EPS15: variants seen among roughly 807,000 people sequenced by gnomAD.
EPS15 encodes the protein epidermal growth factor receptor substrate 15.
In EPS15, 72 loss-of-function variants were observed where a neutral mutation model predicts 113.8. The observed-to-expected ratio is 0.63, with a 90% CI of 0.52 to 0.77. The LOEUF (loss-of-function observed/expected upper bound fraction) is 0.77. Among genes scored for constraint, EPS15 ranks in the 30% least tolerant of loss-of-function variants. The probability of loss-of-function intolerance (pLI) is 0.00; values close to 1 mark genes in which losing one functional copy is unlikely to be tolerated. For synonymous variants in EPS15, 344 were observed against 363.4 expected, an observed-to-expected ratio of 0.95 and a Z score of 0.61; for missense variants, 1,048 against 1,045.8, an observed-to-expected ratio of 1.00 and a Z score of -0.03.
chr1:51,519,169 C>T lies in EPS15; in HGVS notation c.33+30G>A, dbSNP rs1357915475. The T allele has an allele frequency of 3.5e-6, 5 of 1,432,566 alleles. No homozygotes were observed. The African/African-American group carries it at 5.9e-5, about 17-fold the overall frequency. 88.7% of individuals were successfully genotyped at this position (1,432,566 alleles called of 1,614,324 possible). A position where few individuals can be genotyped will look rare whatever the true frequency, so the allele number is the denominator to read the frequency against. On this transcript the variant is annotated intron_variant, in intron 1 of 24. Coordinates refer to ENST00000371733, the MANE Select transcript of EPS15 (RefSeq NM_001981.3). Reference sequence around the variant, plus strand: ...GGTGGGGGAGGGGGCACCGGCCGGCCAAGCCCGGCGGACGGGCGTGTGGCG... The same window carrying T: ...GGTGGGGGAGGGGGCACCGGCCGGCTAAGCCCGGCGGACGGGCGTGTGGCG...
intron 10 of EPS15, among the ~76,000 whole-genome samples, chr1:51,446,222 C>G (rs554842246): frequency 6.6e-6 from 1 of 152,144 alleles, no homozygotes; most frequent in African/African-American, 2.4e-5. Flanking sequence ...CTGTGAAATT[C>G]ATTAAAGACA....
intron 12 of EPS15, among the ~76,000 whole-genome samples, chr1:51,424,335 T>G (rs1651025976): frequency 2.6e-5 from 4 of 152,212 alleles, no homozygotes; most frequent in Admixed American, 2.6e-4. Context: ...ATAACTATTC[T>G]TCTCATTTCA....
At chr1:51,504,891 C>T (rs567615188) in intron 1 of EPS15, among the ~76,000 whole-genome samples, 168 of 152,214 alleles carry the variant, frequency 1.1e-3, no homozygotes, top group African/African-American at 3.9e-3. Context: ...GCGGCCGAAG[C>T]GGGTGGATCA....
intron 13 of EPS15, among the ~76,000 whole-genome samples, chr1:51,412,393 AG>A (rs1236959778): frequency 6.6e-6 from 1 of 152,202 alleles, no homozygotes; most frequent in Non-Finnish European, 1.5e-5. Flanking sequence ...AAAAAGAATT[AG>A]ATGTTCTCTT....
chr1:51,467,102 A>G (rs1446523089), intron 5 of EPS15, among the ~76,000 whole-genome samples: 1 of 152,244 alleles, frequency 6.6e-6, no homozygotes, highest in Non-Finnish European at 1.5e-5. Context: ...ACCTCACTCC[A>G]TAAAACCAAA....
chr1:51,387,363 T>A (rs528847507), intron 21 of EPS15, among the ~76,000 whole-genome samples: 1 of 151,486 alleles, frequency 6.6e-6, no homozygotes, highest in Non-Finnish European at 1.5e-5. Flanking sequence ...CACTGCAAAA[T>A]CATGCCAAAT....
At chr1:51,372,369 G>C (rs764297361) in intron 21 of EPS15, 167 of 536,680 alleles carry the variant, frequency 3.1e-4, no homozygotes, top group Non-Finnish European at 5.8e-4. Flanking sequence ...GCAGTGCATT[G>C]TTGGTGTGCT....
intron 20 of EPS15, 118 bp downstream of exon 20, chr1:51,398,914 T>C: frequency 4.6e-6 from 4 of 879,024 alleles, no homozygotes; most frequent in Non-Finnish European, 3.4e-6. Flanking sequence ...CTGAAATTCT[T>C]ATATGGTCCA....
intron 20 of EPS15, among the ~76,000 whole-genome samples, chr1:51,396,759 G>A (rs1647988782): frequency 6.6e-6 from 1 of 152,152 alleles, no homozygotes; most frequent in East Asian, 1.9e-4. Flanking sequence ...ATGTCAGTTT[G>A]ATAATTGGGG....
At chr1:51,408,440 T>A in intron 14 of EPS15, 108 bp from the exon 15 acceptor site, 1 of 768,444 alleles carries the variant, frequency 1.3e-6, no homozygotes, top group Non-Finnish European at 2.1e-6. Flanking sequence ...TTTTGGTGTT[T>A]TTTTTGACAG....
At chr1:51,430,949 A>T (rs988010654) in intron 12 of EPS15, among the ~76,000 whole-genome samples, 1 of 149,576 alleles carries the variant, frequency 6.7e-6, no homozygotes, top group African/African-American at 2.5e-5. Context: ...GCAGAGCCTG[A>T]CCCTATCTGA....
intron 16 of EPS15, among the ~76,000 whole-genome samples, chr1:51,403,950 T>C (rs1187334813): frequency 1.3e-5 from 2 of 152,202 alleles, no homozygotes; most frequent in Non-Finnish European, 2.9e-5. Context: ...GCCAAACTAA[T>C]AGCTCTAAAA....
intron 21 of EPS15, chr1:51,372,162 A>AT (rs903865201): frequency 3.9e-5 from 15 of 382,968 alleles, no homozygotes; most frequent in South Asian, 2.2e-4. Context: ...ATGCACACAC[A>AT]TTTTTTTCAT....
In EPS15 at chr1:51,403,645, T is replaced by G; in HGVS notation, c.1678-113A>C. 7.2e-6 allele frequency: 4 copies of G among 556,422 alleles called. No individual in the cohort carries two copies. The South Asian group carries it at 1.2e-4, about 16-fold the overall frequency. The allele number at this position is 556,422 out of a possible 1,614,324, so 34.5% of individuals were successfully genotyped here. Reference sequence around the variant, plus strand: ...AATAAAAAAAGACAAGCAGAATGTATTCATCAAATAACTTCTCCTTCTATA... The same window carrying G: ...AATAAAAAAAGACAAGCAGAATGTAGTCATCAAATAACTTCTCCTTCTATA... On this transcript the variant is annotated intron_variant, in intron 16 of 24. Coordinates refer to ENST00000371733, the MANE Select transcript of EPS15 (RefSeq NM_001981.3).
chr1:51,508,248 A>AAGAGAG (rs151142424), intron 1 of EPS15, among the ~76,000 whole-genome samples: 194 of 103,908 alleles, frequency 1.9e-3, no homozygotes, highest in Non-Finnish European at 2.8e-3. Flanking sequence ...GAAAGAGAGA[A>AAGAGAG]AGAGAGAGAG....
intron 1 of EPS15, among the ~76,000 whole-genome samples, chr1:51,514,584 C>T (rs2148570599): frequency 6.6e-6 from 1 of 152,256 alleles, no homozygotes; most frequent in East Asian, 1.9e-4. Context: ...TAAAATCACA[C>T]TATTAGAGAT....
chr1:51,434,515 G>A (rs1651982201), intron 12 of EPS15, among the ~76,000 whole-genome samples: 1 of 152,184 alleles, frequency 6.6e-6, no homozygotes. Context: ...GAGATAGAAA[G>A]TATAATAGAA....
intron 2 of EPS15, among the ~76,000 whole-genome samples, chr1:51,478,301 T>G (rs1440609334): frequency 1.3e-5 from 2 of 152,264 alleles, no homozygotes; most frequent in Non-Finnish European, 1.5e-5. Context: ...TGTTTTCCAT[T>G]TGCTTGGTAG....
chr1:51,428,304 T>C (rs150648105), intron 12 of EPS15, among the ~76,000 whole-genome samples: 92 of 152,242 alleles, frequency 6.0e-4, no homozygotes, highest in African/African-American at 2.1e-3. Flanking sequence ...CATATGAAGA[T>C]AAAAAGATCT....
Sources: gnomAD v4.1 joint callset for allele counts (sites outside exome capture counted in the v4.1 genomes callset) on GRCh38, gnomAD v4.1.1 for gene constraint, MANE v1.5 for transcripts, NCBI Gene and HGNC (gene_info 2026-07-23, HGNC 2026-07-21) for gene names.